Variants in FAM3B observed in about 807,000 individuals in gnomAD.
FAM3B encodes the protein protein FAM3B.
FAM3B carries 29 observed loss-of-function variants against 28.4 expected under a neutral mutation model. That is an observed-to-expected ratio of 1.02 (90% CI 0.76 to 1.39). FAM3B has a LOEUF of 1.39. FAM3B is among the 40% of genes most tolerant of loss of function. FAM3B has a pLI of 0.00. For synonymous variants in FAM3B, 91 were observed against 103.0 expected, an observed-to-expected ratio of 0.88 and a Z score of 0.71; for missense variants, 266 against 293.9, an observed-to-expected ratio of 0.91 and a Z score of 0.69.
At position 41,345,737 on chromosome 21, in the gene FAM3B, G is replaced by T; in HGVS notation, c.397+1G>T. On this transcript the variant is annotated splice_donor_variant, in intron 5 of 7. Coordinates refer to ENST00000357985, the MANE Select transcript of FAM3B (RefSeq NM_058186.4). LOFTEE classifies it high-confidence loss of function. ...CGATGTTTTGATATGTATGAAGGTG[G>T]TAAGAAAATTTTTTCTGTTAAAATT... 1.3e-6 allele frequency: 2 copies of T among 1,536,938 alleles called. No individual in the cohort carries two copies. The highest frequency in any genetic ancestry group is 1.8e-6 in the Non-Finnish European group (2 of 1,120,088).
At chr21:41,322,749 C>A in intron 1 of FAM3B, 174 bp from the exon 2 acceptor site, 1 of 820,520 alleles carries the variant, frequency 1.2e-6, no homozygotes, top group Non-Finnish European at 2.1e-6. Context: ...CTGTCTACTT[C>A]AAAGGTCCTG....
intron 2 of FAM3B, among the ~76,000 whole-genome samples, chr21:41,330,134 G>GAAAA (rs3037004): frequency 7.2e-6 from 1 of 138,772 alleles, no homozygotes. Context: ...GTCTGTATAG[G>GAAAA]AAAAAAAAAA....
At chr21:41,314,840 G>A (rs1031014846), upstream of FAM3B, among the ~76,000 whole-genome samples, 5 of 152,066 alleles carry the variant, frequency 3.3e-5, no homozygotes, top group African/African-American at 9.7e-5. Context: ...CACTGAGTGG[G>A]ATTATAAAAT....
At chr21:41,333,959 A>G (rs1035258426) in intron 2 of FAM3B, among the ~76,000 whole-genome samples, 3 of 152,234 alleles carry the variant, frequency 2.0e-5, no homozygotes, top group Non-Finnish European at 4.4e-5. Context: ...ACCTTAGCAA[A>G]GAGCTTGGCT....
intron 7 of FAM3B, among the ~76,000 whole-genome samples, chr21:41,353,998 AAAG>A (rs1482512776): frequency 6.6e-6 from 1 of 152,248 alleles, no homozygotes; most frequent in Admixed American, 6.5e-5. Flanking sequence ...ACATTTATCA[AAAG>A]AAGACATCCA....
At chr21:41,348,753 C>T in intron 7 of FAM3B, 29 bp downstream of exon 7, 1 of 1,614,000 alleles carries the variant, frequency 6.2e-7, no homozygotes, top group Non-Finnish European at 8.5e-7. Flanking sequence ...TCCCTTCCCA[C>T]CAATGGTGAG....
intron 2 of FAM3B, among the ~76,000 whole-genome samples, chr21:41,332,574 T>C (rs908331920): frequency 2.6e-5 from 4 of 152,232 alleles, no homozygotes; most frequent in Non-Finnish European, 5.9e-5. Flanking sequence ...CTTCAATTTT[T>C]TGGAAGAGTT....
chr21:41,322,299 GAT>G (rs1309370810), intron 1 of FAM3B, among the ~76,000 whole-genome samples: 1 of 152,156 alleles, frequency 6.6e-6, no homozygotes, highest in African/African-American at 2.4e-5. Context: ...CAACCAGAAA[GAT>G]ATCTCCACGG....
chr21:41,322,988 G>A lies in FAM3B; in HGVS notation c.85G>A (p.Ala29Thr), dbSNP rs747927724. The A allele has an allele frequency of 1.3e-5, 21 of 1,611,830 alleles. No individual in the cohort carries two copies. The highest frequency in any genetic ancestry group is 1.6e-4 in the Middle Eastern group (1 of 6,078). The change falls in exon 2 of 8, where the codon GCA becomes ACA. Residue 29 changes from alanine to threonine, a missense_variant. By Grantham distance (58) the Ala-to-Thr change is moderately conservative. Transcript: ENST00000357985. ...TGCCTGGTATTCGGGGTACCTGCTC[G>A]CAGAGCTCATTCCAGATGCACCCCT... is the stretch of plus-strand genomic sequence containing the variant. ...LCAWYSGYLL[A>T]ELIPDAPLSS...
At chr21:41,322,533 G>A (rs897114485) in intron 1 of FAM3B, 13 of 708,290 alleles carry the variant, frequency 1.8e-5, no homozygotes, top group Non-Finnish European at 2.9e-5. Flanking sequence ...TTGCAGGAGC[G>A]TGCTCAAATC....
At chr21:41,306,316 G>T (rs1034671347) in intron 1 of FAM3B, among the ~76,000 whole-genome samples, 1 of 152,072 alleles carries the variant, frequency 6.6e-6, no homozygotes, top group Admixed American at 6.5e-5. Flanking sequence ...GTTTTATTTT[G>T]ACCTCCTCCC....
At chr21:41,347,249 C>T (rs1187021070) in intron 6 of FAM3B, 149 bp downstream of exon 6, 3 of 682,040 alleles carry the variant, frequency 4.4e-6, no homozygotes, top group Admixed American at 5.1e-5. Flanking sequence ...AAGATCATGA[C>T]AAAATAGATG....
At chr21:41,314,413 A>G (rs1362134152), upstream of FAM3B, among the ~76,000 whole-genome samples, 1 of 152,236 alleles carries the variant, frequency 6.6e-6, no homozygotes, top group East Asian at 1.9e-4. Flanking sequence ...CAGGTGCCCC[A>G]TACATATTTG....
chr21:41,326,669 G>C lies in FAM3B; in HGVS notation c.163+3603G>C, dbSNP rs2088857222. Among the ~76,000 whole-genome samples, 1 of 152,228 alleles carries C rather than the reference G, an allele frequency of 6.6e-6. No homozygotes were observed. The highest frequency in any genetic ancestry group is 1.5e-5 in the Non-Finnish European group (1 of 68,040). ...CCCGTAGGGGAAGTCCCTGGGGAGA[G>C]CATCCCTATGGGACCCCCACAATGG... On this transcript the variant is annotated intron_variant, in intron 2 of 7. Coordinates refer to ENST00000357985, the MANE Select transcript of FAM3B (RefSeq NM_058186.4). This position sits in a 1 kb window ranked among gnomAD's most constrained non-coding sequence, Gnocchi z 4.0.
chr21:41,323,506 G>A (rs1343685574), intron 2 of FAM3B, among the ~76,000 whole-genome samples: 5 of 152,220 alleles, frequency 3.3e-5, no homozygotes, highest in African/African-American at 7.2e-5. Flanking sequence ...ATTGTATGTC[G>A]GTGAACACAC....
intron 1 of FAM3B, among the ~76,000 whole-genome samples, chr21:41,307,218 G>A (rs745989585): frequency 1.3e-5 from 2 of 152,188 alleles, no homozygotes; most frequent in Admixed American, 6.5e-5. Flanking sequence ...TACGGAGATG[G>A]CTTCTTTTCT....
intron 1 of FAM3B, among the ~76,000 whole-genome samples, chr21:41,322,401 C>T (rs998485775): frequency 6.6e-6 from 1 of 152,148 alleles, no homozygotes. Context: ...TATTACGGGG[C>T]CAGGCCTTGA....
At chr21:41,341,474 AT>A (rs34474545) in intron 3 of FAM3B, among the ~76,000 whole-genome samples, 1 of 151,908 alleles carries the variant, frequency 6.6e-6, no homozygotes, top group Non-Finnish European at 1.5e-5. Context: ...GGTAACCTGG[AT>A]TTTTTTTGGT....
At chr21:41,304,789 G>A (rs1022613190) in intron 1 of FAM3B, among the ~76,000 whole-genome samples, 9 of 152,204 alleles carry the variant, frequency 5.9e-5, no homozygotes, top group African/African-American at 1.7e-4. Context: ...AGCCATGGAG[G>A]CTTTCATCTG....
Sources: allele counts gnomAD v4.1 joint callset (sites outside exome capture counted in the v4.1 genomes callset), GRCh38; gene constraint gnomAD v4.1.1; non-coding constraint Gnocchi (gnomAD v3.1); transcripts MANE v1.5; gene names NCBI Gene and HGNC (gene_info 2026-07-23, HGNC 2026-07-21).